ADAMTSL1: variants seen among roughly 807,000 people sequenced by gnomAD.
The protein encoded by ADAMTSL1 is ADAMTS like 1, also known as ADAMTS-like protein 1.
A neutral mutation model predicts 201.8 loss-of-function variants in ADAMTSL1; 126 were observed. The ratio of observed to expected loss-of-function variants is 0.62; its 90% confidence interval spans 0.54 to 0.72. The LOEUF (loss-of-function observed/expected upper bound fraction) is 0.72. Among genes scored for constraint, ADAMTSL1 ranks in the 30% least tolerant of loss-of-function variants. The probability of loss-of-function intolerance (pLI) is 0.00; values close to 1 mark genes in which losing one functional copy is unlikely to be tolerated. For synonymous variants in ADAMTSL1, 1,121 were observed against 903.4 expected (o/e 1.24, Z -4.32); for missense variants, 2,679 against 2,277.8 (o/e 1.18, Z -3.59).
At chr9:17,952,823 A>G (rs1827781170) in intron 1 of ADAMTSL1, among the ~76,000 whole-genome samples, 1 of 152,158 alleles carries the variant, frequency 6.6e-6, no homozygotes, top group African/African-American at 2.4e-5. Context: ...CACCATGCCC[A>G]GCCACTACCA....
At chr9:18,519,022 C>T (rs1446874941) in intron 2 of ADAMTSL1, among the ~76,000 whole-genome samples, 2 of 152,194 alleles carry the variant, frequency 1.3e-5, no homozygotes, top group Non-Finnish European at 2.9e-5. Flanking sequence ...TCCTGGTGAG[C>T]TCTTTACCTA....
intron 2 of ADAMTSL1, among the ~76,000 whole-genome samples, chr9:18,282,525 T>G (rs192120812): frequency 6.6e-6 from 1 of 152,366 alleles, no homozygotes; most frequent in African/African-American, 2.4e-5. Context: ...AAATAAAATT[T>G]CAGCTCTTTA....
chr9:18,805,924 C>T (rs1284449335), intron 20 of ADAMTSL1, among the ~76,000 whole-genome samples: 2 of 152,184 alleles, frequency 1.3e-5, no homozygotes, highest in Non-Finnish European at 2.9e-5. Flanking sequence ...GCCCCGTTTC[C>T]ATTTATCTTC....
chr9:18,689,731 T>C (rs1831098911), intron 13 of ADAMTSL1, among the ~76,000 whole-genome samples: 1 of 152,178 alleles, frequency 6.6e-6, no homozygotes, highest in African/African-American at 2.4e-5. Context: ...TTGGACACAG[T>C]GTGGCCAAGA....
At position 18,226,078 on chromosome 9, in the gene ADAMTSL1, T is replaced by G. The variant is rs139973886; in HGVS notation, c.207+62097T>G. Among the ~76,000 whole-genome samples the G allele has an allele frequency of 4.8e-3, 734 of 152,278 alleles. 6 individuals carry two copies. The highest frequency in any genetic ancestry group is 0.016 in the African/African-American group (668 of 41,572). ...AATTTAGGTTAATATTTAATAGGAG[T>G]TTTCTTTAGTCATGCCTGCTTTTTG... On this transcript the variant is annotated intron_variant, in intron 2 of 29. Coordinates refer to the ADAMTSL1 transcript ENST00000680146.
At chr9:18,703,608 T>C (rs1832051480) in intron 13 of ADAMTSL1, among the ~76,000 whole-genome samples, 1 of 150,244 alleles carries the variant, frequency 6.7e-6, no homozygotes, top group African/African-American at 2.4e-5. Context: ...GATAAAACTC[T>C]CATTTGGGAG....
intron 2 of ADAMTSL1, among the ~76,000 whole-genome samples, chr9:18,526,752 A>T (rs1424742811): frequency 6.6e-6 from 1 of 152,190 alleles, no homozygotes; most frequent in Non-Finnish European, 1.5e-5. Context: ...CTCCTGCAGT[A>T]TAGCTCCAGT....
intron 5 of ADAMTSL1, among the ~76,000 whole-genome samples, chr9:18,635,659 T>C (rs1234064489): frequency 6.6e-6 from 1 of 152,188 alleles, no homozygotes; most frequent in East Asian, 1.9e-4. Context: ...AGACCAGATT[T>C]TAAAATCGAA....
In ADAMTSL1 at chr9:18,440,411, G is replaced by A. The variant is rs191549057; in HGVS notation, c.208-64418G>A. Among the ~76,000 whole-genome samples the A allele has an allele frequency of 1.9e-3, 290 of 151,460 alleles. 1 individual carries two copies. The highest frequency in any genetic ancestry group is 6.3e-3 in the African/African-American group (259 of 41,224). ...TAAATATAGGACTCTATCTTAAAAC[G>A]TAAAAGTTTAATGACAGGGGAGATA... is the stretch of plus-strand genomic sequence containing the variant. On this transcript the variant is annotated intron_variant, in intron 2 of 29. Coordinates refer to the ADAMTSL1 transcript ENST00000680146.
intron 15 of ADAMTSL1, among the ~76,000 whole-genome samples, chr9:18,746,545 T>C (rs576858475): frequency 6.6e-6 from 1 of 152,284 alleles, no homozygotes; most frequent in South Asian, 2.1e-4. Context: ...TAACCAAAAC[T>C]TCATTTTACA....
At chr9:18,570,314 T>C (rs897649781) in intron 3 of ADAMTSL1, among the ~76,000 whole-genome samples, 3 of 152,180 alleles carry the variant, frequency 2.0e-5, no homozygotes, top group African/African-American at 7.2e-5. Flanking sequence ...ACCAAAACCT[T>C]TGTAGATGGT....
chr9:18,183,412 A>C (rs1828588063), intron 2 of ADAMTSL1, among the ~76,000 whole-genome samples: 2 of 152,228 alleles, frequency 1.3e-5, no homozygotes, highest in South Asian at 4.1e-4. Flanking sequence ...TTCTTTGTAA[A>C]AGATAATGTC....
At chr9:18,460,362 C>A (rs1319888671) in intron 2 of ADAMTSL1, among the ~76,000 whole-genome samples, 1 of 152,172 alleles carries the variant, frequency 6.6e-6, no homozygotes, top group African/African-American at 2.4e-5. Flanking sequence ...ATACAGCATG[C>A]AGAGTATCTG....
intron 23 of ADAMTSL1, among the ~76,000 whole-genome samples, chr9:18,845,396 C>A (rs1826040714): frequency 6.6e-6 from 1 of 152,238 alleles, no homozygotes; most frequent in Admixed American, 6.5e-5. Flanking sequence ...TGAAAGAATT[C>A]ATTGTGCCTG....
At chr9:18,022,566 G>C (rs1563953983) in intron 1 of ADAMTSL1, among the ~76,000 whole-genome samples, 1 of 152,022 alleles carries the variant, frequency 6.6e-6, no homozygotes, top group Non-Finnish European at 1.5e-5. Context: ...TTGAAGAAAA[G>C]TGTGTGATTA....
chr9:18,645,524 C>A (rs1184058329), intron 7 of ADAMTSL1, among the ~76,000 whole-genome samples: 1 of 150,438 alleles, frequency 6.6e-6, no homozygotes, highest in Non-Finnish European at 1.5e-5. Flanking sequence ...GGTTTTAGGT[C>A]TAACGTTTAA....
At chr9:18,746,333 T>C (rs1819143509) in intron 15 of ADAMTSL1, among the ~76,000 whole-genome samples, 1 of 152,184 alleles carries the variant, frequency 6.6e-6, no homozygotes, top group African/African-American at 2.4e-5. Context: ...TTAGGCTTTC[T>C]AGAGTTGGCA....
At chr9:18,021,213 C>G (rs1178632608) in intron 1 of ADAMTSL1, among the ~76,000 whole-genome samples, 1 of 152,116 alleles carries the variant, frequency 6.6e-6, no homozygotes, top group African/African-American at 2.4e-5. Flanking sequence ...TTTCTGAAGT[C>G]TGAAATACAT....
At chr9:18,851,666 G>A (rs1826500132) in intron 23 of ADAMTSL1, among the ~76,000 whole-genome samples, 1 of 152,168 alleles carries the variant, frequency 6.6e-6, no homozygotes, top group African/African-American at 2.4e-5. Context: ...TTTGTGTCCT[G>A]TCTCTTCTGA....
Sources: gnomAD v4.1 joint callset for allele counts (sites outside exome capture counted in the v4.1 genomes callset) on GRCh38, gnomAD v4.1.1 for gene constraint, MANE v1.5 for transcripts, NCBI Gene and HGNC (gene_info 2026-07-23, HGNC 2026-07-21) for gene names.